RAG1: variants seen among roughly 807,000 people sequenced by gnomAD.
RAG1 encodes the protein V(D)J recombination-activating protein 1.
RAG1 carries 35 observed loss-of-function variants against 62.7 expected under a neutral mutation model. The ratio of observed to expected loss-of-function variants is 0.56; its 90% CI spans 0.43 to 0.74. The LOEUF is 0.74. Ranked by LOEUF, RAG1 falls within the 30% of genes least tolerant of loss-of-function variation. The probability of loss-of-function intolerance (pLI) is 0.00; values close to 1 mark genes in which losing one functional copy is unlikely to be tolerated. For synonymous variants in RAG1, 461 were observed against 470.3 expected, an observed-to-expected ratio of 0.98 and a Z score of 0.26; for missense variants, 1,169 against 1,278.6, an observed-to-expected ratio of 0.91 and a Z score of 1.31.
chr11:36,576,798 T>C lies in RAG1; in HGVS notation c.*362T>C, dbSNP rs946957748. On this transcript the variant is annotated 3_prime_UTR_variant, in exon 2 of 2. Coordinates refer to ENST00000299440, the MANE Select transcript of RAG1 (RefSeq NM_000448.3). ...ACAGCCAGTGAGGCCAGGAAAGAAA[T>C]TGGTCTTGTGGTTTTCATTTTTTTC... is the stretch of plus-strand genomic sequence containing the variant. 3.4e-5 allele frequency: 9 copies of C among 263,556 alleles called. No homozygotes were observed. The South Asian group carries it at 5.8e-4, about 17-fold the overall frequency. The allele number at this position is 263,556 out of a possible 1,614,324, so 16.3% of individuals were successfully genotyped here.
chr11:36,537,382 G>A (rs1456543681), downstream of RAG1, among the ~76,000 whole-genome samples: 1 of 152,190 alleles, frequency 6.6e-6, no homozygotes, highest in Non-Finnish European at 1.5e-5. Context: ...TGATTGTGGT[G>A]ATGGTATCAT....
At chr11:36,528,881 A>G (rs1860208213) in intron 2 of RAG1, among the ~76,000 whole-genome samples, 1 of 152,224 alleles carries the variant, frequency 6.6e-6, no homozygotes, top group African/African-American at 2.4e-5. Context: ...GTGCAAGTAA[A>G]CTAGAAAATC....
chr11:36,536,649 G>T (rs941280675), downstream of RAG1, among the ~76,000 whole-genome samples: 3 of 150,966 alleles, frequency 2.0e-5, no homozygotes, highest in Non-Finnish European at 4.4e-5. Context: ...AAGAAAAATA[G>T]CATAGGTAGG....
chr11:36,561,806 G>A (rs1027322935), intron 3 of RAG1, among the ~76,000 whole-genome samples: 6 of 152,182 alleles, frequency 3.9e-5, no homozygotes, highest in African/African-American at 1.4e-4. Context: ...CTTGTGGATG[G>A]CAGAGTGTGA....
chr11:36,514,456 C>A (rs916884717), intron 1 of RAG1, among the ~76,000 whole-genome samples: 3 of 152,142 alleles, frequency 2.0e-5, no homozygotes, highest in Non-Finnish European at 4.4e-5. Context: ...CAGAGTGGGG[C>A]AGAGGGATGG....
upstream of RAG1, among the ~76,000 whole-genome samples, chr11:36,565,560 G>T (rs559962129): frequency 6.6e-6 from 1 of 152,268 alleles, no homozygotes; most frequent in South Asian, 2.1e-4. Context: ...CACCCTTTTC[G>T]TTCTTTGTCT....
chr11:36,535,293 A>AT (rs150854620), intron 2 of RAG1, among the ~76,000 whole-genome samples: 2 of 152,156 alleles, frequency 1.3e-5, no homozygotes, highest in African/African-American at 4.8e-5. Context: ...AGTTGTTGGC[A>AT]TTTTTTAAAA....
chr11:36,574,496 C>CA lies in RAG1; in HGVS notation c.1193dup (p.His398GlnfsTer26). Reference sequence around the variant, plus strand: ...TAATAAAGGGGGCCGGCCCCGCCAACATCTTCTGTCGCTGACTCGGAGAGC... The same window carrying CA: ...TAATAAAGGGGGCCGGCCCCGCCAACAATCTTCTGTCGCTGACTCGGAGAGC... On this transcript the variant is annotated frameshift_variant, in exon 2 of 2. Coordinates refer to ENST00000299440, the MANE Select transcript of RAG1 (RefSeq NM_000448.3). LOFTEE classifies it high-confidence loss of function. 2 of 1,614,280 alleles carry CA rather than the reference C, an allele frequency of 1.2e-6. No homozygotes were observed. Among genetic ancestry groups the CA allele is most frequent in the Non-Finnish European group, 1.7e-6 (2 of 1,180,050 alleles).
rs747723624 is a variant in RAG1, at chr11:36,577,766, C to A, written c.*1330C>A. The A allele has an allele frequency of 6.0e-6, 1 of 167,030 alleles. No individual in the cohort carries two copies. Among genetic ancestry groups the A allele is most frequent in the Non-Finnish European group, 1.5e-5 (1 of 68,110 alleles). 10.3% of individuals were successfully genotyped at this position (167,030 alleles called of 1,614,324 possible). On this transcript the variant is annotated 3_prime_UTR_variant, in exon 2 of 2. Transcript: ENST00000299440. ...AACACAGTCCTTTTGTCTCCAAAGC[C>A]CTTCTTCTTTCCACCACAAATTAAT... is the stretch of plus-strand genomic sequence containing the variant.
chr11:36,573,625 T>C lies in RAG1; in HGVS notation c.321T>C (p.Leu107=). ...ARGKAIHQAN[L]RHLCRICGNS... ...GCAAAGCGATCCATCAAGCCAACCTTCGACATCTCTGCCGCATCTGTGGGA... is the reference window on the plus strand; with the variant it reads ...GCAAAGCGATCCATCAAGCCAACCTCCGACATCTCTGCCGCATCTGTGGGA... Residue 107 remains leucine (L), a synonymous_variant, in exon 2 of 2, where the codon CTT becomes CTC. Coordinates refer to ENST00000299440, the MANE Select transcript of RAG1 (RefSeq NM_000448.3). The C allele has an allele frequency of 1.9e-6, 3 of 1,614,048 alleles. No homozygotes were observed. Among genetic ancestry groups the C allele is most frequent in the Non-Finnish European group, 2.5e-6 (3 of 1,180,006 alleles).
At position 36,512,899 on chromosome 11, in the gene RAG1, A is replaced by G. The variant is rs148833598; in HGVS notation, n.330+1861A>G. The stretch of plus-strand genomic sequence containing the variant: ...AAACATGAATAAAGATATAGTCTCC[A>G]TATCTTCTATAGTTTCAATGCGTCC... On this transcript the variant is annotated intron_variant and non_coding_transcript_variant, in intron 1 of 2. Coordinates refer to the RAG1 transcript ENST00000529126. Among the ~76,000 whole-genome samples the G allele has an allele frequency of 2.4e-4, 36 of 152,300 alleles. No individual in the cohort carries two copies. In the East Asian group the frequency reaches 6.4e-3, roughly 27 times the overall value.
intron 1 of RAG1, among the ~76,000 whole-genome samples, chr11:36,569,244 G>T (rs1850703163): frequency 6.6e-6 from 1 of 152,178 alleles, no homozygotes; most frequent in South Asian, 2.1e-4. Flanking sequence ...AAATGAATCT[G>T]TGCTGTGTGG....
intron 3 of RAG1, among the ~76,000 whole-genome samples, chr11:36,548,207 A>G (rs925855037): frequency 2.6e-5 from 4 of 152,194 alleles, no homozygotes; most frequent in Non-Finnish European, 5.9e-5. Context: ...TCCTTTGAAA[A>G]CTGGCACAAG....
chr11:36,562,844 G>A (rs1382932896), intron 3 of RAG1, among the ~76,000 whole-genome samples: 1 of 152,116 alleles, frequency 6.6e-6, no homozygotes, highest in East Asian at 1.9e-4. Flanking sequence ...GGTTTTCCTG[G>A]TTCTCCAACT....
chr11:36,545,078 T>G (rs1176645244), intron 3 of RAG1, among the ~76,000 whole-genome samples: 1 of 152,182 alleles, frequency 6.6e-6, no homozygotes, highest in Non-Finnish European at 1.5e-5. Flanking sequence ...AATTTATTTA[T>G]CCAGTGACAA....
At chr11:36,561,477 C>G (rs991828310) in intron 3 of RAG1, among the ~76,000 whole-genome samples, 7 of 152,134 alleles carry the variant, frequency 4.6e-5, no homozygotes, top group Non-Finnish European at 8.8e-5. Context: ...GTCAATATGG[C>G]TGGATCACAG....
At chr11:36,560,315 G>A (rs945906704) in intron 3 of RAG1, among the ~76,000 whole-genome samples, 1 of 152,160 alleles carries the variant, frequency 6.6e-6, no homozygotes, top group Non-Finnish European at 1.5e-5. Context: ...GGCATGCATG[G>A]CAGTGCCCCT....
At chr11:36,564,618 A>G (rs1414987230), upstream of RAG1, among the ~76,000 whole-genome samples, 1 of 152,240 alleles carries the variant, frequency 6.6e-6, no homozygotes, top group Non-Finnish European at 1.5e-5. Context: ...GATCTCCTGA[A>G]AGCATGGAGA....
intron 2 of RAG1, among the ~76,000 whole-genome samples, chr11:36,534,091 G>A (rs752592446): frequency 3.3e-5 from 5 of 151,776 alleles, no homozygotes; most frequent in Non-Finnish European, 7.4e-5. Flanking sequence ...CTTTTTGGAG[G>A]TAATTTTTAA....
Sources: gnomAD v4.1 joint callset for allele counts (sites outside exome capture counted in the v4.1 genomes callset) on GRCh38, gnomAD v4.1.1 for gene constraint, MANE v1.5 for transcripts, NCBI Gene and HGNC (gene_info 2026-07-23, HGNC 2026-07-21) for gene names.